IL1RAPL1: variants seen among roughly 807,000 people sequenced by gnomAD.
The protein encoded by IL1RAPL1 is interleukin 1 receptor accessory protein like 1, also known as interleukin-1 receptor accessory protein-like 1.
A neutral mutation model predicts 48.4 loss-of-function variants in IL1RAPL1; 3 were observed. The ratio of observed to expected loss-of-function variants is 0.06; its 90% CI spans 0.03 to 0.16. IL1RAPL1 has a LOEUF of 0.16. Ranked by LOEUF, IL1RAPL1 falls within the 10% of genes least tolerant of loss-of-function variation. The pLI, the probability that IL1RAPL1 is intolerant of heterozygous loss-of-function variation, is 1.00. For synonymous variants in IL1RAPL1, 185 were observed against 187.7 expected (o/e 0.99, Z 0.12); for missense variants, 349 against 530.6 (o/e 0.66, Z 3.36).
At chrX:28,967,041 C>T (rs1924938790) in intron 2 of IL1RAPL1, among the ~76,000 whole-genome samples, 1 of 112,073 alleles carries the variant, frequency 8.9e-6, no homozygotes, top group Admixed American at 9.5e-5. Flanking sequence ...TGTGATATAA[C>T]ACAATGACCA....
At chrX:29,525,828 T>C (rs944091384) in intron 5 of IL1RAPL1, among the ~76,000 whole-genome samples, 8 of 112,007 alleles carry the variant, frequency 7.1e-5, no homozygotes, top group Non-Finnish European at 1.1e-4. Context: ...GGTGATTTAT[T>C]GGGTGTGTTT....
rs1008653763 is a variant in IL1RAPL1, at chrX:29,902,660, A to C, written c.779-14804A>C. On this transcript the variant is annotated intron_variant, in intron 6 of 10. Coordinates refer to ENST00000378993, the MANE Select transcript of IL1RAPL1 (RefSeq NM_014271.4). The stretch of plus-strand genomic sequence containing the variant: ...CATAATAGTAATACTACTACTAATA[A>C]TAATAATAATTGCTAACAGTGAGTG... Among the ~76,000 whole-genome samples the C allele has an allele frequency of 6.5e-4, 72 of 110,869 alleles. 1 individual carries two copies. Among genetic ancestry groups the C allele is most frequent in the African/African-American group, 2.3e-3 (70 of 30,469 alleles).
chrX:28,765,066 C>G (rs1601893207), intron 1 of IL1RAPL1, among the ~76,000 whole-genome samples: 1 of 106,206 alleles, frequency 9.4e-6, no homozygotes, highest in East Asian at 3.0e-4. Flanking sequence ...AAAAACCGAA[C>G]ACCACATGTT....
intron 6 of IL1RAPL1, among the ~76,000 whole-genome samples, chrX:29,691,267 G>A (rs978298039): frequency 7.2e-5 from 8 of 111,665 alleles, no homozygotes; most frequent in Non-Finnish European, 1.3e-4. Flanking sequence ...AGCAAGACAC[G>A]AAAATGGTAC....
chrX:29,011,422 G>C (rs1212222539), intron 2 of IL1RAPL1, among the ~76,000 whole-genome samples: 1 of 112,435 alleles, frequency 8.9e-6, no homozygotes, highest in African/African-American at 3.2e-5. Context: ...TTTAACTATA[G>C]AATGGAATAT....
intron 2 of IL1RAPL1, among the ~76,000 whole-genome samples, chrX:29,137,313 G>T: frequency 9.1e-6 from 1 of 109,900 alleles, no homozygotes; most frequent in South Asian, 3.8e-4. Flanking sequence ...TTGCCAAAAC[G>T]TATGAAATAA....
intron 2 of IL1RAPL1, among the ~76,000 whole-genome samples, chrX:28,943,209 A>C (rs1348940030): frequency 1.8e-5 from 2 of 109,509 alleles, no homozygotes; most frequent in Non-Finnish European, 3.8e-5. Flanking sequence ...AAAAAAAAAA[A>C]AAAACTCATC....
chrX:29,563,082 A>G (rs908637865), intron 5 of IL1RAPL1, among the ~76,000 whole-genome samples: 5 of 112,095 alleles, frequency 4.5e-5, no homozygotes, highest in African/African-American at 1.6e-4. Flanking sequence ...TTTAAGGATC[A>G]TGACATCATG....
intron 6 of IL1RAPL1, among the ~76,000 whole-genome samples, chrX:29,803,531 GTA>G (rs1461445220): frequency 1.1e-5 from 1 of 93,907 alleles, no homozygotes; most frequent in Non-Finnish European, 2.1e-5. Context: ...ATGTATATAT[GTA>G]TACATATATG....
chrX:28,923,655 C>T (rs1923670027), intron 2 of IL1RAPL1, among the ~76,000 whole-genome samples: 1 of 111,017 alleles, frequency 9.0e-6, no homozygotes, highest in Non-Finnish European at 1.9e-5. Flanking sequence ...TGTAATAAAG[C>T]ACATATAATA....
chrX:29,163,532 A>G (rs1313710109), intron 2 of IL1RAPL1, among the ~76,000 whole-genome samples: 1 of 111,619 alleles, frequency 9.0e-6, no homozygotes, highest in East Asian at 2.8e-4. Flanking sequence ...TTTAGCAGTA[A>G]TTTATAGATT....
At position 29,105,569 on chromosome X, in the gene IL1RAPL1, G is replaced by A. The variant is rs1428756732; in HGVS notation, c.83-177369G>A. Among the ~76,000 whole-genome samples the A allele has an allele frequency of 3.6e-5, 4 of 111,950 alleles. No homozygotes were observed. The East Asian group carries it at 8.4e-4, about 24-fold the overall frequency. ...ACAAATCTTTCTCCTTTGCAATGTT[G>A]GAGAGATCTTGCTTCTTTTTTAACC... On this transcript the variant is annotated intron_variant, in intron 2 of 10. Coordinates refer to ENST00000378993, the MANE Select transcript of IL1RAPL1 (RefSeq NM_014271.4).
At chrX:29,063,631 T>C (rs755657679) in intron 2 of IL1RAPL1, among the ~76,000 whole-genome samples, 38 of 112,072 alleles carry the variant, frequency 3.4e-4, no homozygotes, top group African/African-American at 1.0e-3. Context: ...TTGTGGTTAG[T>C]GCAGTGCTGT....
At chrX:28,834,748 G>C (rs895649718) in intron 2 of IL1RAPL1, among the ~76,000 whole-genome samples, 12 of 111,427 alleles carry the variant, frequency 1.1e-4, no homozygotes, top group Admixed American at 1.1e-3. Flanking sequence ...CTGACAAGTA[G>C]ACTGTGCATT....
chrX:28,828,673 CTATA>C (rs1920987814), intron 2 of IL1RAPL1, among the ~76,000 whole-genome samples: 1 of 112,044 alleles, frequency 8.9e-6, no homozygotes, highest in Non-Finnish European at 1.9e-5. Context: ...AATCAATTGA[CTATA>C]AATGTGAGGG....
intron 2 of IL1RAPL1, among the ~76,000 whole-genome samples, chrX:28,971,892 G>GTA (rs763413630): frequency 6.6e-5 from 7 of 106,655 alleles, no homozygotes; most frequent in Non-Finnish European, 1.3e-4. Flanking sequence ...GTGTGTGTGT[G>GTA]TGTGTGTGTG....
intron 5 of IL1RAPL1, among the ~76,000 whole-genome samples, chrX:29,519,257 G>A (rs952168621): frequency 2.7e-5 from 3 of 111,694 alleles, no homozygotes; most frequent in East Asian, 5.6e-4. Flanking sequence ...GGAATTCAGC[G>A]AAAGGACCGT....
At chrX:29,731,509 G>A (rs754673918) in intron 6 of IL1RAPL1, among the ~76,000 whole-genome samples, 4 of 112,098 alleles carry the variant, frequency 3.6e-5, no homozygotes, top group Non-Finnish European at 5.6e-5. Flanking sequence ...TGTCTATCTG[G>A]CAGTCTTAAT....
intron 1 of IL1RAPL1, among the ~76,000 whole-genome samples, chrX:28,721,894 C>A (rs772138780): frequency 2.7e-3 from 295 of 111,197 alleles, no homozygotes; most frequent in African/African-American, 8.9e-3. Context: ...TGTCAAAGAT[C>A]AGATGGTTGT....
Sources: gnomAD v4.1 joint callset for allele counts (sites outside exome capture counted in the v4.1 genomes callset) on GRCh38, gnomAD v4.1.1 for gene constraint, MANE v1.5 for transcripts, NCBI Gene and HGNC (gene_info 2026-07-23, HGNC 2026-07-21) for gene names.